The following DMD variants were observed in gnomAD, a reference collection of about 807,000 sequenced individuals.
DMD encodes the protein dystrophin.
A neutral mutation model predicts 330.1 loss-of-function variants in DMD; 63 were observed. The ratio of observed to expected loss-of-function variants is 0.19; its 90% CI spans 0.16 to 0.24. The LOEUF is 0.24. DMD is among the 10% of genes least tolerant of loss of function. The probability of loss-of-function intolerance (pLI) is 1.00; values close to 1 mark genes in which losing one functional copy is unlikely to be tolerated. For synonymous variants in DMD, 1,223 were observed against 959.8 expected, an observed-to-expected ratio of 1.27 and a Z score of -5.07; for missense variants, 3,344 against 2,684.1, an observed-to-expected ratio of 1.25 and a Z score of -5.43.
intron 55 of DMD, among the ~76,000 whole-genome samples, chrX:31,590,789 A>G (rs1298111415): frequency 8.9e-6 from 1 of 111,832 alleles, no homozygotes; most frequent in Non-Finnish European, 1.9e-5. Context: ...TGTAAAAAAG[A>G]ATATCCACCA....
intron 1 of DMD, among the ~76,000 whole-genome samples, chrX:33,130,468 T>G (rs1338410199): frequency 9.1e-6 from 1 of 109,915 alleles, no homozygotes; most frequent in East Asian, 2.9e-4. Flanking sequence ...CGACGATCAT[T>G]GGTGGGGCTT....
chrX:31,334,020 C>T (rs1292495470), intron 61 of DMD, among the ~76,000 whole-genome samples: 1 of 111,294 alleles, frequency 9.0e-6, no homozygotes, highest in Non-Finnish European at 1.9e-5. Context: ...GCAACCTCCG[C>T]CTCCTGGGTT....
At chrX:33,116,785 C>T (rs995467825) in intron 1 of DMD, among the ~76,000 whole-genome samples, 3 of 110,994 alleles carry the variant, frequency 2.7e-5, no homozygotes, top group Non-Finnish European at 5.7e-5. Flanking sequence ...GAAAAAGATT[C>T]CAGAAAGGGG....
At chrX:33,186,027 T>C (rs1378993501) in intron 1 of DMD, among the ~76,000 whole-genome samples, 1 of 111,756 alleles carries the variant, frequency 8.9e-6, no homozygotes, top group Non-Finnish European at 1.9e-5. Flanking sequence ...AAGAAGTCTT[T>C]TTTGGGGGCG....
intron 50 of DMD, among the ~76,000 whole-genome samples, chrX:31,803,954 C>T (rs750317935): frequency 9.0e-6 from 1 of 110,881 alleles, no homozygotes; most frequent in South Asian, 3.9e-4. Flanking sequence ...CCACCTCGGC[C>T]CCCCAAAGTG....
intron 2 of DMD, among the ~76,000 whole-genome samples, chrX:32,959,420 C>G (rs1211897706): frequency 9.0e-6 from 1 of 111,351 alleles, no homozygotes; most frequent in Non-Finnish European, 1.9e-5. Context: ...TATCAGATTC[C>G]AATTTTGTTC....
chrX:32,797,200 G>A (rs186193658), intron 7 of DMD, among the ~76,000 whole-genome samples: 32 of 110,608 alleles, frequency 2.9e-4, no homozygotes, highest in East Asian at 8.6e-4. Context: ...ATAGCTCACC[G>A]CAGCCTTGAA....
intron 2 of DMD, among the ~76,000 whole-genome samples, chrX:32,982,389 T>C (rs2092728423): frequency 8.9e-6 from 1 of 111,928 alleles, no homozygotes; most frequent in East Asian, 2.8e-4. Context: ...TTTTATTATA[T>C]CTGCACTATG....
intron 62 of DMD, among the ~76,000 whole-genome samples, chrX:31,323,003 C>T (rs1047484783): frequency 6.3e-5 from 7 of 111,913 alleles, no homozygotes; most frequent in African/African-American, 2.3e-4. Context: ...ATATTTCATG[C>T]AAAATACTAC....
chrX:33,030,808 T>C (rs928342786), intron 1 of DMD, among the ~76,000 whole-genome samples: 2 of 111,529 alleles, frequency 1.8e-5, no homozygotes, highest in Non-Finnish European at 3.8e-5. Flanking sequence ...TGTTCTGTGG[T>C]GTATATTTAT....
At chrX:31,853,738 A>G (rs926175779) in intron 48 of DMD, among the ~76,000 whole-genome samples, 3 of 111,772 alleles carry the variant, frequency 2.7e-5, no homozygotes, top group Non-Finnish European at 3.8e-5. Flanking sequence ...GGGGACTGGT[A>G]AATTACACCT....
intron 1 of DMD, among the ~76,000 whole-genome samples, chrX:33,177,269 A>G (rs2049718696): frequency 1.8e-5 from 2 of 112,438 alleles, no homozygotes; most frequent in South Asian, 7.4e-4. Context: ...CAGCTAGGGG[A>G]TGGGTGTGCT....
intron 25 of DMD, among the ~76,000 whole-genome samples, chrX:32,457,033 T>C (rs1325459792): frequency 2.9e-5 from 3 of 104,444 alleles, no homozygotes; most frequent in Admixed American, 1.0e-4. Context: ...CTTGATAAGT[T>C]GACCCGGAGA....
At chrX:31,422,004 TATATATATATATAAACACACACAC>T (rs1569540506) in intron 60 of DMD, among the ~76,000 whole-genome samples, 2 of 76,650 alleles carry the variant, frequency 2.6e-5, no homozygotes, top group African/African-American at 7.2e-5. Flanking sequence ...TACACACACA[TATATATATATATAAACACACACAC>T]ATATATATAT....
At chrX:32,720,499 T>A (rs186666462) in intron 7 of DMD, among the ~76,000 whole-genome samples, 20 of 112,325 alleles carry the variant, frequency 1.8e-4, no homozygotes, top group African/African-American at 6.5e-4. Flanking sequence ...GGGATTTTTT[T>A]AACGCCTTTT....
Position 32,058,647 on chromosome X carries a change from G to A in DMD, c.6439-90133C>T, listed in dbSNP as rs901307154. Among the ~76,000 whole-genome samples the A allele has an allele frequency of 6.5e-5, 7 of 108,451 alleles. No homozygotes were observed. In the Admixed American group the frequency reaches 7.0e-4, roughly 11 times the overall value. The allele number at this position is 108,451 out of a possible 115,157, so 94.2% of individuals were successfully genotyped here. A position where few individuals can be genotyped will look rare whatever the true frequency, so the allele number is the denominator to read the frequency against. On this transcript the variant is annotated intron_variant, in intron 44 of 78. Transcript: ENST00000357033. The stretch of plus-strand genomic sequence containing the variant: ...AAAATTGGAGATGTAGACTGCTGGT[G>A]GAAATATAAAATTGTGCAGCTTTTG...
chrX:32,291,619 C>G (rs1035017034), intron 42 of DMD, among the ~76,000 whole-genome samples: 16 of 111,613 alleles, frequency 1.4e-4, no homozygotes, highest in African/African-American at 5.2e-4. Context: ...GGTATCTGGC[C>G]TGGGCATCCA....
chrX:33,174,431 A>T (rs956226690), intron 1 of DMD, among the ~76,000 whole-genome samples: 2 of 112,047 alleles, frequency 1.8e-5, no homozygotes, highest in Non-Finnish European at 3.8e-5. Context: ...TAAGTGTGTG[A>T]CTACTTAATT....
chrX:32,046,645 T>C (rs1038059485), intron 44 of DMD, among the ~76,000 whole-genome samples: 4 of 112,033 alleles, frequency 3.6e-5, no homozygotes, highest in South Asian at 3.7e-4. Context: ...GGCTTGGAGT[T>C]TGAAACAAGT....
Sources: allele counts gnomAD v4.1 joint callset (sites outside exome capture counted in the v4.1 genomes callset), GRCh38; gene constraint gnomAD v4.1.1; transcripts MANE v1.5; gene names NCBI Gene and HGNC (gene_info 2026-07-23, HGNC 2026-07-21).